Variants in KIAA0753 observed in about 807,000 individuals in gnomAD.
KIAA0753 encodes protein moonraker.
In KIAA0753, 114 loss-of-function variants were observed where a neutral mutation model predicts 116.9. That is an observed-to-expected ratio of 0.98 (90% confidence interval 0.84 to 1.14). The LOEUF (loss-of-function observed/expected upper bound fraction) is 1.14, where lower values mean the gene tolerates loss of function less well. KIAA0753 is among the 50% of genes most tolerant of loss of function. KIAA0753 has a pLI of 0.00. For missense variants in KIAA0753, 1,156 were observed against 1,172.4 expected, an observed-to-expected ratio of 0.99 and a Z score of 0.20; for synonymous variants, 405 against 413.1, an observed-to-expected ratio of 0.98 and a Z score of 0.24.
At chr17:6,617,335 G>C (rs1002565201) in intron 7 of KIAA0753, among the ~76,000 whole-genome samples, 3 of 152,216 alleles carry the variant, frequency 2.0e-5, no homozygotes, top group Non-Finnish European at 4.4e-5. Context: ...CTTCTAATTA[G>C]AAGGAAGATA....
intron 2 of KIAA0753, among the ~76,000 whole-genome samples, chr17:6,633,186 T>C (rs1015676231): frequency 3.9e-5 from 6 of 152,148 alleles, no homozygotes; most frequent in African/African-American, 9.7e-5. Flanking sequence ...TGTATAGAGA[T>C]AGTGAGAGAG....
At chr17:6,638,526 T>A (rs1372319200) in intron 1 of KIAA0753, 3 of 154,644 alleles carry the variant, frequency 1.9e-5, no homozygotes, top group African/African-American at 7.3e-5. Context: ...CACACTGACA[T>A]GCAACATCTC....
intron 7 of KIAA0753, among the ~76,000 whole-genome samples, chr17:6,613,824 C>A (rs1270648254): frequency 2.6e-5 from 4 of 152,168 alleles, no homozygotes; most frequent in Non-Finnish European, 5.9e-5. Context: ...GCAGAAGAGA[C>A]TTTCTTAAAG....
chr17:6,611,918 C>G lies in KIAA0753; in HGVS notation c.1545+1G>C. On this transcript the variant is annotated splice_donor_variant, in intron 8 of 18. Coordinates refer to ENST00000361413, the MANE Select transcript of KIAA0753 (RefSeq NM_014804.3). LOFTEE classifies it high-confidence loss of function. ...GCCAAAAGAGAGGAATGATTTCATACTTGCTGTCTTGCTGGCGCCAGAGTA... is the reference window on the plus strand; with the variant it reads ...GCCAAAAGAGAGGAATGATTTCATAGTTGCTGTCTTGCTGGCGCCAGAGTA... 6.2e-7 allele frequency: 1 copy of G among 1,611,672 alleles called. No homozygotes were observed. The highest frequency in any genetic ancestry group is 8.5e-7 in the Non-Finnish European group (1 of 1,178,098).
At chr17:6,629,876 C>T (rs1324425830) in intron 2 of KIAA0753, among the ~76,000 whole-genome samples, 8 of 152,196 alleles carry the variant, frequency 5.3e-5, no homozygotes, top group Non-Finnish European at 1.2e-4. Flanking sequence ...GAAAGATACA[C>T]AGACTGATGA....
At chr17:6,609,935 T>G in intron 9 of KIAA0753, 59 bp downstream of exon 9, 1 of 1,576,360 alleles carries the variant, frequency 6.3e-7, no homozygotes, top group Non-Finnish European at 8.7e-7. Context: ...AGGTCACCTT[T>G]GATATATGGA....
At chr17:6,607,941 T>A (rs1970295757) in intron 10 of KIAA0753, among the ~76,000 whole-genome samples, 1 of 152,230 alleles carries the variant, frequency 6.6e-6, no homozygotes, top group Non-Finnish European at 1.5e-5. Flanking sequence ...TTCTAAACTC[T>A]CTCAGTTCCT....
At chr17:6,600,354 C>CA in intron 13 of KIAA0753, 26 bp downstream of exon 13, 1 of 1,587,156 alleles carries the variant, frequency 6.3e-7, no homozygotes, top group Non-Finnish European at 8.6e-7. Flanking sequence ...AAAAAGCAAG[C>CA]AAATGAAACG....
At chr17:6,599,341 A>G in intron 13 of KIAA0753, 21 bp from the exon 14 acceptor site, 1 of 1,495,106 alleles carries the variant, frequency 6.7e-7, no homozygotes, top group Admixed American at 1.7e-5. Flanking sequence ...AGACAAATAC[A>G]TTCATGGAGT....
rs372019016 is a variant in KIAA0753 at position 6,611,783 on chromosome 17, A to G, written c.1545+136T>C. On this transcript the variant is annotated intron_variant, in intron 8 of 18. Coordinates refer to ENST00000361413, the MANE Select transcript of KIAA0753 (RefSeq NM_014804.3). ...TTGTTATTTTTTTGTTAAAATATAT[A>G]AACAACTTAAATAGCCAGACTCAAG... The G allele has an allele frequency of 6.7e-5, 46 of 690,132 alleles. No individual in the cohort carries two copies. The East Asian group carries it at 6.8e-4, about 10-fold the overall frequency. The allele number at this position is 690,132 out of a possible 1,614,324, so 42.8% of individuals were successfully genotyped here.
At chr17:6,621,564 G>A (rs1160935866) in intron 6 of KIAA0753, among the ~76,000 whole-genome samples, 1 of 152,298 alleles carries the variant, frequency 6.6e-6, no homozygotes, top group East Asian at 1.9e-4. Context: ...AACTGAACAC[G>A]GTCAGGAAGA....
At chr17:6,624,194 A>G (rs1971507719) in intron 4 of KIAA0753, among the ~76,000 whole-genome samples, 1 of 152,196 alleles carries the variant, frequency 6.6e-6, no homozygotes, top group Admixed American at 6.5e-5. Flanking sequence ...AATCCATCAC[A>G]ATGTAAAGAA....
chr17:6,624,740 C>A lies in KIAA0753; in HGVS notation c.825+15G>T. On this transcript the variant is annotated intron_variant, in intron 4 of 18. Coordinates refer to ENST00000361413, the MANE Select transcript of KIAA0753 (RefSeq NM_014804.3). ...ACAAGGCTGACTGCCCTACTTCTCC[C>A]TGAACTTTTCACACCTGCTGCTGGA... is the stretch of plus-strand genomic sequence containing the variant. 1.3e-6 allele frequency: 2 copies of A among 1,542,924 alleles called. No individual in the cohort carries two copies. Among genetic ancestry groups the A allele is most frequent in the Non-Finnish European group, 1.8e-6 (2 of 1,138,072 alleles).
intron 7 of KIAA0753, among the ~76,000 whole-genome samples, chr17:6,617,722 C>T (rs1971023754): frequency 6.6e-6 from 1 of 152,246 alleles, no homozygotes; most frequent in South Asian, 2.1e-4. Flanking sequence ...GGAACTCCCA[C>T]TCCCATCCTC....
At position 6,605,088 on chromosome 17, in the gene KIAA0753, GAA is replaced by G. The variant is rs35631503; in HGVS notation, c.2009+1783_2009+1784del. On this transcript the variant is annotated intron_variant, in intron 12 of 18. Coordinates refer to ENST00000361413, the MANE Select transcript of KIAA0753 (RefSeq NM_014804.3). ...CATAGTGAGACCTTGTCTCTAACTT[GAA>G]AAAAAAAAAAAAAAAAAAGCAGCAG... Among the ~76,000 whole-genome samples, 421 of 75,800 alleles carry G rather than the reference GAA, an allele frequency of 5.6e-3. 2 individuals carry two copies. Among genetic ancestry groups the G allele is most frequent in the East Asian group, 0.04 (114 of 2,840 alleles). 49.7% of individuals were successfully genotyped at this position (75,800 alleles called of 152,430 possible).
intron 7 of KIAA0753, among the ~76,000 whole-genome samples, chr17:6,620,433 TAC>T (rs1555531259): frequency 1.3e-5 from 2 of 150,256 alleles, no homozygotes; most frequent in Admixed American, 6.7e-5. Flanking sequence ...TATATATATA[TAC>T]ACATATATAT....
intron 14 of KIAA0753, among the ~76,000 whole-genome samples, chr17:6,597,867 T>C (rs910140896): frequency 2.0e-5 from 3 of 152,184 alleles, no homozygotes; most frequent in Non-Finnish European, 2.9e-5. Context: ...GTAAAAACAG[T>C]TTTCTTCTTC....
Position 6,590,006 on chromosome 17 carries a change from G to A in KIAA0753, c.2562-3C>T. The A allele has an allele frequency of 6.5e-7, 1 of 1,541,216 alleles. No individual in the cohort carries two copies. ...TTCCCACACTTTCATCCAGGGAACT[G>A]AGAACAAATAAAAATGATGAAAGCA... is the stretch of plus-strand genomic sequence containing the variant. On this transcript the variant is annotated splice_region_variant and splice_polypyrimidine_tract_variant and intron_variant, in intron 17 of 18. Coordinates refer to ENST00000361413, the MANE Select transcript of KIAA0753 (RefSeq NM_014804.3).
chr17:6,603,880 G>C (rs552282750), intron 12 of KIAA0753, among the ~76,000 whole-genome samples: 1 of 152,308 alleles, frequency 6.6e-6, no homozygotes, highest in African/African-American at 2.4e-5. Flanking sequence ...AAAAACCCAT[G>C]GCCACATGCC....
Sources: allele counts gnomAD v4.1 joint callset (sites outside exome capture counted in the v4.1 genomes callset), GRCh38; gene constraint gnomAD v4.1.1; transcripts MANE v1.5; gene names NCBI Gene and HGNC (gene_info 2026-07-23, HGNC 2026-07-21).